Variants in PDE4D observed in about 807,000 individuals in gnomAD.
PDE4D encodes the protein phosphodiesterase 4D.
PDE4D carries 24 observed loss-of-function variants against 87.4 expected under a neutral mutation model. The observed-to-expected ratio is 0.27, with a 90% CI of 0.20 to 0.39. PDE4D has a LOEUF of 0.39. Ranked by LOEUF, PDE4D falls within the 10% of genes least tolerant of loss-of-function variation. The pLI is 1.00. For missense variants in PDE4D, 714 were observed against 1,041.0 expected (o/e 0.69, Z 4.32); for synonymous variants, 384 against 383.2 (o/e 1.00, Z -0.02).
intron 1 of PDE4D, among the ~76,000 whole-genome samples, chr5:60,246,975 C>T (rs1199670768): frequency 6.6e-6 from 1 of 152,006 alleles, no homozygotes; most frequent in Non-Finnish European, 1.5e-5. Flanking sequence ...TTCCATACTA[C>T]ACAAGTAGTA....
chr5:59,744,642 T>C (rs1321518269), intron 1 of PDE4D, among the ~76,000 whole-genome samples: 1 of 152,142 alleles, frequency 6.6e-6, no homozygotes, highest in Non-Finnish European at 1.5e-5. Context: ...GATCAAAGCA[T>C]GTGTCATTGA....
chr5:59,529,515 T>C (rs1421276261), intron 1 of PDE4D, among the ~76,000 whole-genome samples: 2 of 152,140 alleles, frequency 1.3e-5, no homozygotes, highest in African/African-American at 2.4e-5. Context: ...AGCATTGACC[T>C]TTGAAGAGTC....
At chr5:59,628,544 T>C (rs1831174668) in intron 1 of PDE4D, among the ~76,000 whole-genome samples, 1 of 152,166 alleles carries the variant, frequency 6.6e-6, no homozygotes, top group South Asian at 2.1e-4. Context: ...TAGATACTTA[T>C]ACCACCTATT....
chr5:58,973,784 A>G lies in PDE4D; in HGVS notation c.*880T>C, dbSNP rs1221978765. On this transcript the variant is annotated 3_prime_UTR_variant, in exon 15 of 15. Transcript: ENST00000340635. ...AAGAGTGAAACAAAATGCAAAGTAA[A>G]TAATAAAGACTTACAAAAAGGGTTT... The G allele has an allele frequency of 6.8e-6, 1 of 146,442 alleles. No individual in the cohort carries two copies. The highest frequency in any genetic ancestry group is 7.0e-5 in the Admixed American group (1 of 14,352). The allele number at this position is 146,442 out of a possible 1,614,324, so 9.1% of individuals were successfully genotyped here. A position where few individuals can be genotyped will look rare whatever the true frequency, so the allele number is the denominator to read the frequency against.
intron 2 of PDE4D, among the ~76,000 whole-genome samples, chr5:59,988,914 G>A (rs973188785): frequency 2.6e-5 from 4 of 151,920 alleles, no homozygotes; most frequent in Non-Finnish European, 5.9e-5. Context: ...TAGCAAATTT[G>A]TTCACCAGGT....
At chr5:59,033,704 G>GA (rs369473687) in intron 6 of PDE4D, among the ~76,000 whole-genome samples, 3 of 152,084 alleles carry the variant, frequency 2.0e-5, no homozygotes, top group Non-Finnish European at 2.9e-5. Flanking sequence ...CATAACATTA[G>GA]AAAAAATACT....
chr5:59,350,038 T>C (rs754162654), intron 1 of PDE4D, among the ~76,000 whole-genome samples: 33 of 152,166 alleles, frequency 2.2e-4, no homozygotes, highest in Non-Finnish European at 3.8e-4. Context: ...ATGCATATAA[T>C]GCATTCTACA....
intron 1 of PDE4D, among the ~76,000 whole-genome samples, chr5:59,433,529 T>C (rs547422894): frequency 2.0e-5 from 3 of 152,176 alleles, no homozygotes; most frequent in Non-Finnish European, 2.9e-5. Flanking sequence ...AGAGAGGTAG[T>C]TGGGGACTTG....
At chr5:59,991,490 CTAGCAACAACA>C (rs1389421513) in intron 2 of PDE4D, among the ~76,000 whole-genome samples, 1 of 152,090 alleles carries the variant, frequency 6.6e-6, no homozygotes, top group East Asian at 1.9e-4. Context: ...ATTCCATTTG[CTAGCAACAACA>C]TAATATACAA....
intron 1 of PDE4D, among the ~76,000 whole-genome samples, chr5:60,278,944 C>A (rs531950842): frequency 3.6e-4 from 55 of 152,218 alleles, no homozygotes; most frequent in African/African-American, 1.3e-3. Flanking sequence ...AGATCTAGTT[C>A]TTGGTATAAG....
At chr5:60,396,724 CCAGA>C (rs1762909772) in intron 1 of PDE4D, among the ~76,000 whole-genome samples, 1 of 152,084 alleles carries the variant, frequency 6.6e-6, no homozygotes, top group Non-Finnish European at 1.5e-5. Context: ...GATTTTGCCC[CCAGA>C]CAGAGAAGAC....
At chr5:60,430,661 C>A (rs1034048040) in intron 1 of PDE4D, 2 of 225,334 alleles carry the variant, frequency 8.9e-6, no homozygotes, top group African/African-American at 4.8e-5. Context: ...ACAAAGGTCT[C>A]TGGTTTTCCT....
chr5:59,829,506 C>A lies in PDE4D; in HGVS notation c.455+63662G>T, dbSNP rs1016671079. On this transcript the variant is annotated intron_variant, in intron 1 of 14. Coordinates refer to ENST00000340635, the MANE Select transcript of PDE4D (RefSeq NM_001104631.2). ...CACAGCTGTTTTTCCCACATTTCAG[C>A]AGCACTCTCTTCCGGTTTGTCAGGG... is the stretch of plus-strand genomic sequence containing the variant. Among the ~76,000 whole-genome samples, 48 of 152,034 alleles carry A rather than the reference C, an allele frequency of 3.2e-4. 2 individuals carry two copies. Among genetic ancestry groups the A allele is most frequent in the Non-Finnish European group, 1.5e-5 (1 of 67,970 alleles).
intron 1 of PDE4D, among the ~76,000 whole-genome samples, chr5:59,892,481 G>T (rs1023240814): frequency 6.6e-6 from 1 of 152,016 alleles, no homozygotes; most frequent in Admixed American, 6.6e-5. Context: ...CTCCCACAGC[G>T]TCCTCGCTCC....
chr5:59,646,745 T>C (rs1742508563), intron 1 of PDE4D, among the ~76,000 whole-genome samples: 1 of 152,132 alleles, frequency 6.6e-6, no homozygotes, highest in South Asian at 2.1e-4. Context: ...ATAAAATTTG[T>C]AGACAATAGG....
intron 3 of PDE4D, among the ~76,000 whole-genome samples, chr5:59,904,003 G>C (rs1752557731): frequency 3.9e-5 from 6 of 152,140 alleles, no homozygotes; most frequent in Admixed American, 3.9e-4. Flanking sequence ...TTCCTCATCT[G>C]TAAAATAAAC....
intron 2 of PDE4D, among the ~76,000 whole-genome samples, chr5:60,150,219 C>A (rs764828601): frequency 3.3e-5 from 5 of 151,664 alleles, no homozygotes; most frequent in Admixed American, 6.6e-5. Flanking sequence ...TCTTACAGGG[C>A]TGAAGTAAAA....
intron 1 of PDE4D, among the ~76,000 whole-genome samples, chr5:60,386,871 G>A (rs1762225033): frequency 6.6e-6 from 1 of 152,234 alleles, no homozygotes; most frequent in Non-Finnish European, 1.5e-5. Context: ...GACACAGTTT[G>A]TGCTTGGCAT....
intron 1 of PDE4D, among the ~76,000 whole-genome samples, chr5:59,546,901 TACTC>T (rs1817363199): frequency 6.6e-6 from 1 of 152,152 alleles, no homozygotes; most frequent in Admixed American, 6.5e-5. Context: ...TGGGTGAGTA[TACTC>T]ACTAACTTTA....
Sources: gnomAD v4.1 joint callset for allele counts (sites outside exome capture counted in the v4.1 genomes callset) on GRCh38, gnomAD v4.1.1 for gene constraint, MANE v1.5 for transcripts, NCBI Gene and HGNC (gene_info 2026-07-23, HGNC 2026-07-21) for gene names.